CCSER1: variants seen among roughly 807,000 people sequenced by gnomAD.
CCSER1 encodes serine-rich coiled-coil domain-containing protein 1.
CCSER1 carries 41 observed loss-of-function variants against 82.0 expected under a neutral mutation model. The ratio of observed to expected loss-of-function variants is 0.50; its 90% CI spans 0.39 to 0.65. CCSER1 has a LOEUF of 0.65. Ranked by LOEUF, CCSER1 falls within the 30% of genes least tolerant of loss-of-function variation. The pLI is 0.00. For missense variants in CCSER1, 1,119 were observed against 1,064.2 expected (o/e 1.05, Z -0.72); for synonymous variants, 414 against 383.9 (o/e 1.08, Z -0.92).
At chr4:90,871,467 G>A (rs1766489984) in intron 8 of CCSER1, among the ~76,000 whole-genome samples, 1 of 151,706 alleles carries the variant, frequency 6.6e-6, no homozygotes, top group South Asian at 2.1e-4. Context: ...ATGGGCTTGT[G>A]TAGTTTTCAG....
chr4:90,705,062 T>C (rs1432593702), intron 6 of CCSER1, among the ~76,000 whole-genome samples: 1 of 152,202 alleles, frequency 6.6e-6, no homozygotes, highest in African/African-American at 2.4e-5. Context: ...ATTTTTAGAA[T>C]TTTCAGCTTT....
At chr4:91,443,020 TGGTG>T in intron 10 of CCSER1, among the ~76,000 whole-genome samples, 1 of 152,230 alleles carries the variant, frequency 6.6e-6, no homozygotes, top group South Asian at 2.1e-4. Context: ...TTTACACTGT[TGGTG>T]GGACTGTAAA....
intron 10 of CCSER1, among the ~76,000 whole-genome samples, chr4:91,472,072 C>T (rs1238880869): frequency 6.6e-6 from 1 of 151,818 alleles, no homozygotes; most frequent in Non-Finnish European, 1.5e-5. Context: ...ATTCACTTGG[C>T]ACACATGAAA....
At chr4:90,725,106 A>G (rs1290573932) in intron 7 of CCSER1, 4 of 315,532 alleles carry the variant, frequency 1.3e-5, no homozygotes, top group East Asian at 8.7e-5. Flanking sequence ...CTTTATTATT[A>G]TACAGATAAA....
chr4:91,171,212 C>A (rs1732715028), intron 10 of CCSER1, among the ~76,000 whole-genome samples: 1 of 152,042 alleles, frequency 6.6e-6, no homozygotes, highest in African/African-American at 2.4e-5. Flanking sequence ...ATTTTTTCAT[C>A]CCTAAGTAGT....
intron 10 of CCSER1, among the ~76,000 whole-genome samples, chr4:91,522,456 C>T (rs1307110665): frequency 6.6e-6 from 1 of 152,116 alleles, no homozygotes; most frequent in East Asian, 1.9e-4. Flanking sequence ...CTATAAATTA[C>T]CTTGGGCAGT....
intron 10 of CCSER1, among the ~76,000 whole-genome samples, chr4:91,118,066 G>A (rs6856869): frequency 0.16 from 24,677 of 151,874 alleles, 2,399 homozygotes; most frequent in African/African-American, 0.25. Flanking sequence ...TGTATGTCTG[G>A]TAAATATTTT....
chr4:91,123,076 G>T (rs961262521), intron 10 of CCSER1, among the ~76,000 whole-genome samples: 1 of 151,632 alleles, frequency 6.6e-6, no homozygotes, highest in Non-Finnish European at 1.5e-5. Context: ...TTATTATGCT[G>T]CAATCATGCT....
intron 6 of CCSER1, among the ~76,000 whole-genome samples, chr4:90,712,180 G>A (rs1027635344): frequency 6.6e-6 from 1 of 151,724 alleles, no homozygotes; most frequent in African/African-American, 2.4e-5. Flanking sequence ...CTTGTCTTCC[G>A]CTAGTTTTGA....
chr4:91,045,674 T>C (rs1346736731), intron 9 of CCSER1, among the ~76,000 whole-genome samples: 1 of 152,156 alleles, frequency 6.6e-6, no homozygotes, highest in Non-Finnish European at 1.5e-5. Flanking sequence ...CTTTGATAGA[T>C]ATAATTCTTT....
intron 10 of CCSER1, among the ~76,000 whole-genome samples, chr4:91,339,285 G>A (rs1461217542): frequency 6.6e-6 from 1 of 152,062 alleles, no homozygotes; most frequent in East Asian, 1.9e-4. Context: ...GACACTAAAT[G>A]ATTGTGTAAT....
intron 6 of CCSER1, among the ~76,000 whole-genome samples, chr4:90,665,577 T>C (rs1354054447): frequency 6.6e-6 from 1 of 152,100 alleles, no homozygotes; most frequent in African/African-American, 2.4e-5. Context: ...CGCCTCGGCC[T>C]CCCAAAGTGC....
At chr4:91,164,449 T>C (rs754376858) in intron 10 of CCSER1, among the ~76,000 whole-genome samples, 24 of 152,138 alleles carry the variant, frequency 1.6e-4, no homozygotes, top group Non-Finnish European at 2.9e-4. Context: ...TGGTATTCTC[T>C]GTATTTCCTG....
chr4:90,210,450 C>CTTTTTTTTTTTTTTTT (rs11438395), intron 1 of CCSER1, among the ~76,000 whole-genome samples: 1 of 141,282 alleles, frequency 7.1e-6, no homozygotes, highest in Non-Finnish European at 1.5e-5. Flanking sequence ...CTTTTCTTTT[C>CTTTTTTTTTTTTTTTT]TTTTTTTTTT....
chr4:91,555,525 T>C (rs529467529), intron 10 of CCSER1, among the ~76,000 whole-genome samples: 2 of 151,114 alleles, frequency 1.3e-5, no homozygotes, highest in Admixed American at 1.3e-4. Flanking sequence ...ATATACTGTC[T>C]AAAGAGGAAT....
chr4:90,236,432 A>G (rs1745822624), intron 1 of CCSER1, among the ~76,000 whole-genome samples: 4 of 152,188 alleles, frequency 2.6e-5, no homozygotes, highest in Admixed American at 2.6e-4. Context: ...GGGGTAAAAG[A>G]AAAAGTTGTA....
At chr4:91,525,479 C>T (rs189314110) in intron 10 of CCSER1, among the ~76,000 whole-genome samples, 57 of 152,118 alleles carry the variant, frequency 3.7e-4, no homozygotes, top group African/African-American at 1.2e-3. Context: ...GATTATGAAC[C>T]GTATAAAGGA....
intron 7 of CCSER1, among the ~76,000 whole-genome samples, chr4:90,762,238 C>T (rs62313016): frequency 0.28 from 42,306 of 151,840 alleles, 6,291 homozygotes; most frequent in East Asian, 0.34. Flanking sequence ...TTATAAGGGG[C>T]TTTTCTCCCT....
At chr4:91,201,171 G>T (rs775823269) in intron 10 of CCSER1, among the ~76,000 whole-genome samples, 6 of 151,980 alleles carry the variant, frequency 3.9e-5, no homozygotes, top group Non-Finnish European at 7.4e-5. Context: ...ATTTGGACAT[G>T]ACACACATTG....
Sources: allele counts gnomAD v4.1 joint callset (sites outside exome capture counted in the v4.1 genomes callset), GRCh38; gene constraint gnomAD v4.1.1; transcripts MANE v1.5; gene names NCBI Gene and HGNC (gene_info 2026-07-23, HGNC 2026-07-21).